The following ARID5B variants were observed in gnomAD, a reference collection of about 807,000 sequenced individuals.
The protein encoded by ARID5B is AT-rich interaction domain 5B.
A neutral mutation model predicts 97.2 loss-of-function variants in ARID5B; 13 were observed. That is an observed-to-expected ratio of 0.13 (90% CI 0.09 to 0.21). The LOEUF is 0.21. Among genes scored for constraint, ARID5B ranks in the 10% least tolerant of loss-of-function variants. The pLI is 1.00. For missense variants in ARID5B, 1,210 were observed against 1,465.3 expected, an observed-to-expected ratio of 0.83 and a Z score of 2.84; for synonymous variants, 556 against 570.3, an observed-to-expected ratio of 0.97 and a Z score of 0.36.
At chr10:62,008,449 C>T (rs1451423409) in intron 4 of ARID5B, among the ~76,000 whole-genome samples, 3 of 152,114 alleles carry the variant, frequency 2.0e-5, no homozygotes, top group Admixed American at 6.5e-5. Flanking sequence ...GATAACTGAT[C>T]GCTAGCTTTC....
intron 3 of ARID5B, among the ~76,000 whole-genome samples, chr10:61,945,067 G>T (rs1220299235): frequency 6.6e-6 from 1 of 152,084 alleles, no homozygotes; most frequent in Non-Finnish European, 1.5e-5. Context: ...AGCATGGTGG[G>T]GTTAAAAGAG....
chr10:61,913,148 G>C (rs1843838737), intron 2 of ARID5B, among the ~76,000 whole-genome samples: 1 of 152,222 alleles, frequency 6.6e-6, no homozygotes, highest in South Asian at 2.1e-4. Flanking sequence ...GCAGACCAGT[G>C]AAGGTCAGAT....
chr10:61,933,121 C>A (rs962623527), intron 2 of ARID5B, among the ~76,000 whole-genome samples: 2 of 152,200 alleles, frequency 1.3e-5, no homozygotes, highest in Non-Finnish European at 2.9e-5. Flanking sequence ...AGCATCTTCA[C>A]CAACAGTAGA....
chr10:61,945,778 T>C (rs1357546790), intron 3 of ARID5B, among the ~76,000 whole-genome samples: 1 of 152,156 alleles, frequency 6.6e-6, no homozygotes, highest in Admixed American at 6.5e-5. Context: ...TAGTACATTA[T>C]TATTATCAGA....
intron 4 of ARID5B, among the ~76,000 whole-genome samples, chr10:62,006,128 G>C (rs1839143093): frequency 6.6e-6 from 1 of 152,146 alleles, no homozygotes; most frequent in Non-Finnish European, 1.5e-5. Context: ...TTTTCTAGAG[G>C]TTTTGTTTAT....
chr10:62,087,320 G>GAAAAAAAAA (rs1589292422), intron 9 of ARID5B, among the ~76,000 whole-genome samples: 11 of 75,996 alleles, frequency 1.4e-4, no homozygotes, highest in South Asian at 4.7e-4. Context: ...AAAAAAAAAG[G>GAAAAAAAAA]AAAAAAGATC....
chr10:61,910,589 T>G (rs530617328), intron 2 of ARID5B, among the ~76,000 whole-genome samples: 1 of 152,222 alleles, frequency 6.6e-6, no homozygotes, highest in Non-Finnish European at 1.5e-5. Context: ...TTGCTGGAGA[T>G]GAGAACCTTG....
chr10:62,079,786 G>A (rs769290499), intron 8 of ARID5B, among the ~76,000 whole-genome samples: 3 of 152,188 alleles, frequency 2.0e-5, no homozygotes, highest in Non-Finnish European at 2.9e-5. Flanking sequence ...CAAATGGAGA[G>A]AGCATTAAAG....
chr10:61,943,893 G>A (rs960150556), intron 3 of ARID5B, among the ~76,000 whole-genome samples: 6 of 151,852 alleles, frequency 4.0e-5, no homozygotes, highest in Admixed American at 6.6e-5. Flanking sequence ...CTTCCCCCTT[G>A]AGGGAGCACA....
chr10:61,934,743 G>A (rs574320840), intron 2 of ARID5B, among the ~76,000 whole-genome samples: 2 of 152,012 alleles, frequency 1.3e-5, no homozygotes, highest in Non-Finnish European at 2.9e-5. Flanking sequence ...GGCTGGGTGC[G>A]GTGGCTCACA....
intron 7 of ARID5B, among the ~76,000 whole-genome samples, chr10:62,059,841 CT>C (rs1198575321): frequency 6.6e-6 from 1 of 152,148 alleles, no homozygotes; most frequent in Non-Finnish European, 1.5e-5. Context: ...CTAATTCTAA[CT>C]GACAGCAATG....
At chr10:61,919,530 A>G (rs1843975087) in intron 2 of ARID5B, among the ~76,000 whole-genome samples, 2 of 152,238 alleles carry the variant, frequency 1.3e-5, no homozygotes, top group Admixed American at 1.3e-4. Context: ...CTTCTGGGCC[A>G]TTAAATCCTT....
chr10:61,983,900 A>G, intron 3 of ARID5B, among the ~76,000 whole-genome samples: 1 of 8,852 alleles, frequency 1.1e-4, no homozygotes, highest in Non-Finnish European at 1.9e-4. Flanking sequence ...TTTTTTTTTG[A>G]GACGGAGTCT....
intron 5 of ARID5B, 74 bp from the exon 6 acceptor site, chr10:62,057,043 C>G (rs1287961889): frequency 1.7e-5 from 24 of 1,435,988 alleles, no homozygotes; most frequent in Non-Finnish European, 2.1e-5. Context: ...GTTGCTGGCT[C>G]TGTCACTAGC....
In ARID5B at chr10:61,901,978, T is replaced by C. The variant is rs865951961; in HGVS notation, c.22-181T>C. 9.2e-3 allele frequency among the ~76,000 whole-genome samples: 1,380 copies of C among 150,644 alleles called. 24 individuals carry two copies. The highest frequency in any genetic ancestry group is 0.032 in the African/African-American group (1,306 of 41,222). ...GTGGCGGTGGGGGGCCCTGAGTTTT[T>C]TTTTTTTTTTTTTTAGGGAAGCAGA... On this transcript the variant is annotated intron_variant, in intron 1 of 9. Coordinates refer to ENST00000279873, the MANE Select transcript of ARID5B (RefSeq NM_032199.3).
chr10:61,916,381 A>C (rs12247119), intron 2 of ARID5B, among the ~76,000 whole-genome samples: 6,271 of 152,284 alleles, frequency 0.041, 467 homozygotes, highest in African/African-American at 0.14. Flanking sequence ...TGGTTGCAGC[A>C]GAGACTATAT....
chr10:62,063,396 G>A (rs184981528), intron 7 of ARID5B, among the ~76,000 whole-genome samples: 19 of 152,108 alleles, frequency 1.2e-4, no homozygotes, highest in African/African-American at 4.6e-4. Context: ...ATAAAAAGAG[G>A]CCATCTTAAT....
At chr10:61,941,922 A>G (rs1378666407) in intron 3 of ARID5B, among the ~76,000 whole-genome samples, 1 of 152,210 alleles carries the variant, frequency 6.6e-6, no homozygotes, top group Non-Finnish European at 1.5e-5. Flanking sequence ...TGAATAATAC[A>G]TCTGTTGTGT....
chr10:62,008,187 A>T (rs1472222871), intron 4 of ARID5B, among the ~76,000 whole-genome samples: 1 of 152,162 alleles, frequency 6.6e-6, no homozygotes, highest in African/African-American at 2.4e-5. Flanking sequence ...TACCCAGCAC[A>T]TAGTAGCTGT....
Sources: gnomAD v4.1 joint callset for allele counts (sites outside exome capture counted in the v4.1 genomes callset) on GRCh38, gnomAD v4.1.1 for gene constraint, MANE v1.5 for transcripts, NCBI Gene and HGNC (gene_info 2026-07-23, HGNC 2026-07-21) for gene names.